Variants in OSBP2 observed in about 807,000 individuals in gnomAD.
The protein encoded by OSBP2 is oxysterol binding protein 2.
OSBP2 carries 66 observed loss-of-function variants against 96.0 expected under a neutral mutation model. That is an observed-to-expected ratio of 0.69 (90% CI 0.56 to 0.84). OSBP2 has a LOEUF of 0.84. Ranked by LOEUF, OSBP2 falls within the 40% of genes least tolerant of loss-of-function variation. The pLI is 0.00. For missense variants in OSBP2, 1,038 were observed against 1,222.7 expected, an observed-to-expected ratio of 0.85 and a Z score of 2.25; for synonymous variants, 525 against 520.9, an observed-to-expected ratio of 1.01 and a Z score of -0.11.
upstream of OSBP2, chr22:30,694,001 G>T: frequency 2.1e-6 from 3 of 1,429,042 alleles, no homozygotes; most frequent in South Asian, 4.0e-5. Flanking sequence ...AAAAAAATTC[G>T]CTGATGTTTT....
intron 12 of OSBP2, 65 bp downstream of exon 12, chr22:30,894,066 A>G: frequency 1.4e-6 from 2 of 1,428,708 alleles, no homozygotes; most frequent in South Asian, 2.6e-5. Context: ...GTGGACAGAA[A>G]GCAACTGACA....
chr22:30,902,500 G>A (rs769410216), intron 12 of OSBP2: 43 of 1,562,236 alleles, frequency 2.8e-5, no homozygotes, highest in Non-Finnish European at 3.7e-5. Context: ...TGTACCAGAT[G>A]ACGAAGCTTC....
intron 2 of OSBP2, among the ~76,000 whole-genome samples, chr22:30,841,565 T>C (rs1430091002): frequency 6.6e-6 from 1 of 152,252 alleles, no homozygotes; most frequent in Non-Finnish European, 1.5e-5. Flanking sequence ...ATATTGCAGA[T>C]TCAGTTCCAG....
Position 30,802,573 on chromosome 22 carries a change from C to T in OSBP2, c.853+61204C>T, listed in dbSNP as rs149498723. Among the ~76,000 whole-genome samples, 79 of 152,340 alleles carry T rather than the reference C, an allele frequency of 5.2e-4. 1 individual carries two copies. Among genetic ancestry groups the T allele is most frequent in the African/African-American group, 1.5e-3 (63 of 41,600 alleles). On this transcript the variant is annotated intron_variant, in intron 2 of 13. Transcript: ENST00000332585. ...GTCGTGTCGGGTTCCAGGCCACGCT[C>T]GGGCATTTTAAGAGGCTGAGGTGCG...
intron 1 of OSBP2, among the ~76,000 whole-genome samples, chr22:30,712,675 A>G (rs1027564528): frequency 6.6e-6 from 1 of 152,224 alleles, no homozygotes; most frequent in African/African-American, 2.4e-5. Flanking sequence ...AGATGGGGAA[A>G]ACAAGGCACA....
intron 2 of OSBP2, among the ~76,000 whole-genome samples, chr22:30,818,103 G>A (rs2091102478): frequency 6.6e-6 from 1 of 152,096 alleles, no homozygotes; most frequent in Non-Finnish European, 1.5e-5. Context: ...TCGCCATGTT[G>A]CCCAAGCTGG....
intron 8 of OSBP2, 26 bp from the exon 9 acceptor site, chr22:30,893,096 C>T (rs754080763): frequency 6.2e-7 from 1 of 1,611,476 alleles, no homozygotes; most frequent in Non-Finnish European, 8.5e-7. Context: ...CTGGCAGATG[C>T]TCACATCCTA....
intron 1 of OSBP2, among the ~76,000 whole-genome samples, chr22:30,727,642 T>C (rs925367299): frequency 2.6e-5 from 4 of 152,124 alleles, no homozygotes; most frequent in African/African-American, 9.7e-5. Context: ...GAACCAGTCA[T>C]TGTTGCTGCT....
intron 2 of OSBP2, among the ~76,000 whole-genome samples, chr22:30,754,483 GGA>G (rs2090116971): frequency 6.6e-6 from 1 of 152,178 alleles, no homozygotes; most frequent in African/African-American, 2.4e-5. Flanking sequence ...TTGGGGCTGA[GGA>G]GAGACTCATG....
intron 12 of OSBP2, among the ~76,000 whole-genome samples, chr22:30,905,166 G>A (rs1182867090): frequency 4.0e-5 from 3 of 75,928 alleles, no homozygotes; most frequent in Non-Finnish European, 7.5e-5. Context: ...TTTTTTTTTA[G>A]ACGGAGCCTC....
At chr22:30,831,175 T>C (rs912895096) in intron 2 of OSBP2, among the ~76,000 whole-genome samples, 4 of 152,184 alleles carry the variant, frequency 2.6e-5, no homozygotes, top group African/African-American at 9.7e-5. Flanking sequence ...AACGTTCTGG[T>C]TCATGATGCT....
At chr22:30,737,990 G>T (rs891837754) in intron 1 of OSBP2, among the ~76,000 whole-genome samples, 31 of 152,026 alleles carry the variant, frequency 2.0e-4, no homozygotes, top group African/African-American at 6.0e-4. Context: ...GGGATTACAG[G>T]CGTGAGCCAC....
chr22:30,694,605 C>G (rs2088984255), upstream of OSBP2, among the ~76,000 whole-genome samples: 1 of 146,538 alleles, frequency 6.8e-6, no homozygotes, highest in African/African-American at 2.5e-5. Flanking sequence ...AAGCAGAGAC[C>G]GTGGCCTGAA....
At chr22:30,795,149 A>G (rs136289) in intron 2 of OSBP2, among the ~76,000 whole-genome samples, 81,220 of 151,788 alleles carry the variant, frequency 0.54, 23,152 homozygotes, top group African/African-American at 0.75. Flanking sequence ...GAGCTCAAGT[A>G]ATCCTCCTGC....
intron 2 of OSBP2, among the ~76,000 whole-genome samples, chr22:30,807,843 TCA>T (rs2090949998): frequency 6.6e-6 from 1 of 152,330 alleles, no homozygotes; most frequent in Non-Finnish European, 1.5e-5. Context: ...AGTGATGCAG[TCA>T]CAGTTTTACA....
intron 2 of OSBP2, among the ~76,000 whole-genome samples, chr22:30,829,681 G>A (rs761266562): frequency 1.3e-5 from 2 of 152,240 alleles, no homozygotes; most frequent in Non-Finnish European, 2.9e-5. Flanking sequence ...TTGTCAGAAC[G>A]AGACTCTTCC....
chr22:30,803,996 C>G (rs2090892282), intron 2 of OSBP2, among the ~76,000 whole-genome samples: 1 of 152,250 alleles, frequency 6.6e-6, no homozygotes, highest in Non-Finnish European at 1.5e-5. Flanking sequence ...AGCTGCCCCC[C>G]TTCTGCCTTG....
At chr22:30,792,299 C>T (rs544481320) in intron 2 of OSBP2, among the ~76,000 whole-genome samples, 7 of 150,620 alleles carry the variant, frequency 4.6e-5, no homozygotes, top group Non-Finnish European at 7.4e-5. Context: ...GGCGACAGAG[C>T]GAGACTCTAC....
chr22:30,858,295 C>T (rs868459623), intron 2 of OSBP2, among the ~76,000 whole-genome samples: 117 of 150,986 alleles, frequency 7.7e-4, no homozygotes, highest in South Asian at 2.3e-3. Flanking sequence ...TACAGGCGCC[C>T]GCCACCGCGC....
Sources: allele counts gnomAD v4.1 joint callset (sites outside exome capture counted in the v4.1 genomes callset), GRCh38; gene constraint gnomAD v4.1.1; transcripts MANE v1.5; gene names NCBI Gene and HGNC (gene_info 2026-07-23, HGNC 2026-07-21).